GPC5: variants seen among roughly 807,000 people sequenced by gnomAD.
GPC5 encodes the protein glypican 5.
Under a neutral mutation model 53.9 loss-of-function variants are expected in GPC5, and 47 were observed. The ratio of observed to expected loss-of-function variants is 0.87; its 90% CI spans 0.69 to 1.11. GPC5 has a LOEUF of 1.11. Among genes scored for constraint, GPC5 ranks in the 50% most tolerant of loss-of-function variants. The pLI is 0.00. For missense variants in GPC5, 748 were observed against 713.1 expected, an observed-to-expected ratio of 1.05 and a Z score of -0.56; for synonymous variants, 286 against 263.3, an observed-to-expected ratio of 1.09 and a Z score of -0.84.
chr13:91,931,674 C>A (rs1471647966), intron 6 of GPC5, among the ~76,000 whole-genome samples: 3 of 151,950 alleles, frequency 2.0e-5, no homozygotes, highest in African/African-American at 7.2e-5. Context: ...CTATCCTTAA[C>A]CTATGACACG....
At chr13:91,818,783 G>A (rs2038440211) in intron 5 of GPC5, among the ~76,000 whole-genome samples, 1 of 152,148 alleles carries the variant, frequency 6.6e-6, no homozygotes, top group African/African-American at 2.4e-5. Context: ...GACAAAGCCA[G>A]CATTATAAGA....
At chr13:91,644,547 T>C (rs1038147595) in intron 2 of GPC5, among the ~76,000 whole-genome samples, 8 of 152,230 alleles carry the variant, frequency 5.3e-5, no homozygotes, top group African/African-American at 1.9e-4. Flanking sequence ...TTTCTCTTGG[T>C]AGCCTTTTAT....
At chr13:91,983,529 G>A (rs1421091281) in intron 6 of GPC5, among the ~76,000 whole-genome samples, 2 of 152,084 alleles carry the variant, frequency 1.3e-5, no homozygotes, top group Non-Finnish European at 2.9e-5. Context: ...CCTAAAAGAG[G>A]AAGGAACTAA....
At chr13:92,317,786 C>A (rs1054481272) in intron 7 of GPC5, among the ~76,000 whole-genome samples, 41 of 152,190 alleles carry the variant, frequency 2.7e-4, no homozygotes, top group African/African-American at 8.2e-4. Flanking sequence ...CAGGCATGAG[C>A]CACCGCACCC....
intron 2 of GPC5, among the ~76,000 whole-genome samples, chr13:91,654,242 T>C (rs2034792360): frequency 6.6e-6 from 1 of 152,188 alleles, no homozygotes; most frequent in Non-Finnish European, 1.5e-5. Context: ...CCATGATGTT[T>C]AAAATTGCAC....
intron 7 of GPC5, among the ~76,000 whole-genome samples, chr13:92,764,765 G>T (rs549655113): frequency 1.2e-4 from 19 of 152,132 alleles, no homozygotes; most frequent in African/African-American, 4.6e-4. Context: ...TCATGGTTTT[G>T]ACTGTCTTTG....
At chr13:91,483,140 C>T (rs1246606950) in intron 2 of GPC5, among the ~76,000 whole-genome samples, 1 of 152,050 alleles carries the variant, frequency 6.6e-6, no homozygotes, top group Non-Finnish European at 1.5e-5. Context: ...TTGAAAAAAA[C>T]AGTCATCTAA....
intron 4 of GPC5, among the ~76,000 whole-genome samples, chr13:91,756,075 GAAAA>G (rs34332161): frequency 5.6e-4 from 79 of 140,748 alleles, no homozygotes; most frequent in African/African-American, 1.3e-3. Context: ...CTTTTTTTTT[GAAAA>G]AAAAAAAAAA....
At chr13:92,691,565 C>G (rs1225297092) in intron 7 of GPC5, among the ~76,000 whole-genome samples, 3 of 152,018 alleles carry the variant, frequency 2.0e-5, no homozygotes, top group Non-Finnish European at 4.4e-5. Flanking sequence ...CGGAGCTGTT[C>G]CTATTCGGCC....
intron 7 of GPC5, among the ~76,000 whole-genome samples, chr13:92,289,440 A>G (rs1488591463): frequency 6.6e-6 from 1 of 152,120 alleles, no homozygotes; most frequent in Non-Finnish European, 1.5e-5. Context: ...AGGCTTATGA[A>G]TGACTTATGT....
intron 7 of GPC5, among the ~76,000 whole-genome samples, chr13:92,835,714 A>T (rs1011743540): frequency 6.6e-6 from 1 of 151,952 alleles, no homozygotes; most frequent in Non-Finnish European, 1.5e-5. Flanking sequence ...TTTCTAACTG[A>T]TTCACATAAC....
intron 7 of GPC5, among the ~76,000 whole-genome samples, chr13:92,242,296 A>C (rs531194335): frequency 6.6e-6 from 1 of 152,004 alleles, no homozygotes; most frequent in African/African-American, 2.4e-5. Context: ...TCCTATTACC[A>C]GTGATACTAA....
intron 2 of GPC5, among the ~76,000 whole-genome samples, chr13:91,641,816 A>G (rs1462622198): frequency 6.6e-6 from 1 of 152,204 alleles, no homozygotes; most frequent in African/African-American, 2.4e-5. Flanking sequence ...CCTGGAAGCT[A>G]TAGGGAACAC....
At chr13:91,546,851 G>T (rs2138792551) in intron 2 of GPC5, among the ~76,000 whole-genome samples, 1 of 152,168 alleles carries the variant, frequency 6.6e-6, no homozygotes, top group South Asian at 2.1e-4. Flanking sequence ...TTAGAATTAA[G>T]AATGAATTGA....
chr13:91,796,749 AAC>A (rs1313582951), intron 5 of GPC5, among the ~76,000 whole-genome samples: 2 of 152,108 alleles, frequency 1.3e-5, no homozygotes. Flanking sequence ...GACTAGATTA[AAC>A]CAGAGCTTTT....
At chr13:92,737,192 A>G (rs1311336352) in intron 7 of GPC5, among the ~76,000 whole-genome samples, 1 of 152,030 alleles carries the variant, frequency 6.6e-6, no homozygotes, top group Non-Finnish European at 1.5e-5. Flanking sequence ...TCATCTCTTT[A>G]TGTCTATCAC....
chr13:91,543,310 T>G (rs1019627991), intron 2 of GPC5, among the ~76,000 whole-genome samples: 9 of 152,154 alleles, frequency 5.9e-5, no homozygotes, highest in Admixed American at 4.6e-4. Flanking sequence ...TTGTATACTT[T>G]ACCCTTGTCT....
intron 7 of GPC5, among the ~76,000 whole-genome samples, chr13:92,759,012 T>G (rs77557119): frequency 4.7e-4 from 70 of 147,636 alleles, no homozygotes; most frequent in Admixed American, 1.4e-3. Flanking sequence ...TTTTTTTTTT[T>G]TTTTTTTGGT....
At chr13:92,076,246 T>C (rs2041251345) in intron 6 of GPC5, among the ~76,000 whole-genome samples, 1 of 152,032 alleles carries the variant, frequency 6.6e-6, no homozygotes, top group South Asian at 2.1e-4. Context: ...TTTTATTTTT[T>C]ATTTTTTGTA....
Sources: allele counts gnomAD v4.1 joint callset (sites outside exome capture counted in the v4.1 genomes callset), GRCh38; gene constraint gnomAD v4.1.1; transcripts MANE v1.5; gene names NCBI Gene and HGNC (gene_info 2026-07-23, HGNC 2026-07-21).